DNAH17: variants seen among roughly 807,000 people sequenced by gnomAD.
The protein encoded by DNAH17 is axonemal beta dynein heavy chain 17.
A neutral mutation model predicts 485.6 loss-of-function variants in DNAH17; 376 were observed. The observed-to-expected ratio is 0.77, with a 90% CI of 0.71 to 0.84. The LOEUF (loss-of-function observed/expected upper bound fraction) is 0.84. Ranked by LOEUF, DNAH17 falls within the 40% of genes least tolerant of loss-of-function variation. The probability of loss-of-function intolerance (pLI) is 0.00; values close to 1 mark genes in which losing one functional copy is unlikely to be tolerated. For missense variants in DNAH17, 6,370 were observed against 5,839.3 expected, an observed-to-expected ratio of 1.09 and a Z score of -2.96; for synonymous variants, 3,031 against 2,405.9, an observed-to-expected ratio of 1.26 and a Z score of -7.60.
chr17:78,475,560 C>G, intron 53 of DNAH17, 91 bp from the exon 54 acceptor site: 1 of 1,598,098 alleles, frequency 6.3e-7, no homozygotes. Context: ...GAGGTGTGCA[C>G]TGTGTGCCAC....
At chr17:78,539,548 C>T (rs941629271) in intron 18 of DNAH17, among the ~76,000 whole-genome samples, 189 bp downstream of exon 18, 1 of 152,090 alleles carries the variant, frequency 6.6e-6, no homozygotes, top group African/African-American at 2.4e-5. Context: ...GTCCTGAGTG[C>T]CTGGGACTGA....
intron 43 of DNAH17, 141 bp from the exon 44 acceptor site, chr17:78,490,988 C>T: frequency 9.0e-7 from 1 of 1,109,030 alleles, no homozygotes; most frequent in East Asian, 2.6e-5. Context: ...GGCCCACAGC[C>T]CTAGTCCCTT....
intron 2 of DNAH17, 98 bp downstream of exon 2, chr17:78,574,615 G>T (rs2092407501): frequency 9.2e-7 from 1 of 1,085,702 alleles, no homozygotes; most frequent in African/African-American, 1.6e-5. Context: ...TGCAGCTGCT[G>T]CTGGCCCAGG....
chr17:78,453,073 G>A (rs1568071575), intron 65 of DNAH17, among the ~76,000 whole-genome samples: 1 of 152,200 alleles, frequency 6.6e-6, no homozygotes, highest in African/African-American at 2.4e-5. Flanking sequence ...AGAACAGAAT[G>A]AAGACAGACA....
chr17:78,567,296 G>A, intron 9 of DNAH17, 130 bp from the exon 10 acceptor site: 1 of 872,456 alleles, frequency 1.1e-6, no homozygotes, highest in African/African-American at 1.7e-5. Flanking sequence ...CCAACCATGG[G>A]GGTGGGAGGA....
At chr17:78,560,692 CCCCGCT>C in intron 13 of DNAH17, 42 bp downstream of exon 13, 1 of 1,498,078 alleles carries the variant, frequency 6.7e-7, no homozygotes, top group Non-Finnish European at 9.0e-7. Flanking sequence ...CAGGCCCTCC[CCCCGCT>C]CCCAAGGAGC....
chr17:78,516,856 G>A (rs1379637482), intron 25 of DNAH17, among the ~76,000 whole-genome samples: 1 of 151,968 alleles, frequency 6.6e-6, no homozygotes, highest in Non-Finnish European at 1.5e-5. Flanking sequence ...ATGTAGACTT[G>A]GTATGGTCAG....
intron 80 of DNAH17, chr17:78,425,106 G>A (rs79731115): frequency 4.4e-6 from 2 of 455,008 alleles, no homozygotes; most frequent in African/African-American, 2.0e-5. Context: ...TAAAGCAGAG[G>A]CCAGGTGACT....
rs372448284 is a variant in DNAH17, at chr17:78,461,809, C to T, written c.9175-101G>A. The T allele has an allele frequency of 6.8e-5, 81 of 1,184,502 alleles. 1 individual carries two copies. The highest frequency in any genetic ancestry group is 3.3e-4 in the African/African-American group (21 of 63,966). 73.4% of individuals were successfully genotyped at this position (1,184,502 alleles called of 1,614,324 possible). A position where few individuals can be genotyped will look rare whatever the true frequency, so the allele number is the denominator to read the frequency against. The stretch of plus-strand genomic sequence containing the variant: ...GGCTGGGAGCCACAGAGGGGCAGAA[C>T]GGCAGGGCCGTGTCTTACGACTCCC... On this transcript the variant is annotated intron_variant, in intron 57 of 80. Transcript: ENST00000389840.
At position 78,474,367 on chromosome 17, in the gene DNAH17, C is replaced by T. The variant is rs562068501; in HGVS notation, c.8511+911G>A. Among the ~76,000 whole-genome samples the T allele has an allele frequency of 5.6e-4, 86 of 152,358 alleles. 1 individual carries two copies. The highest frequency in any genetic ancestry group is 3.4e-3 in the Middle Eastern group (1 of 294). On this transcript the variant is annotated intron_variant, in intron 54 of 80. Coordinates refer to ENST00000389840, the MANE Select transcript of DNAH17 (RefSeq NM_173628.4). ...GATGATTCCTTCTGAACTAATGGCA[C>T]GCAGTTGCCTGGGAGAGCAGATTTT...
rs1241543291 is a variant in DNAH17 at position 78,485,637 on chromosome 17, C to T, written c.7396G>A (p.Gly2466Arg). ...NAGTGKSVLMGDKLESLNTDN... is the reference protein window; with the variant it reads ...NAGTGKSVLMRDKLESLNTDN... Reference sequence around the variant, plus strand: ...GTGTTCAGGCTTTCCAGCTTGTCCCCCATCAGCACCGACTTGCCCGTCCCC... The same window carrying T: ...GTGTTCAGGCTTTCCAGCTTGTCCCTCATCAGCACCGACTTGCCCGTCCCC... Residue 2466 changes from glycine (G) to arginine (R), a missense_variant, in exon 47 of 81, where the codon GGG becomes AGG. Gly to Arg is a moderately radical substitution (Grantham distance 125). Coordinates refer to ENST00000389840, the MANE Select transcript of DNAH17 (RefSeq NM_173628.4). 1 of 1,613,968 alleles carries T rather than the reference C, an allele frequency of 6.2e-7. No homozygotes were observed. Among genetic ancestry groups the T allele is most frequent in the South Asian group, 1.1e-5 (1 of 91,076 alleles).
chr17:78,425,644 T>C, intron 79 of DNAH17, 73 bp from the exon 80 acceptor site: 2 of 1,376,754 alleles, frequency 1.5e-6, no homozygotes, highest in Non-Finnish European at 2.0e-6. Flanking sequence ...TTGGCCGTTC[T>C]GAGCAGGGGT....
At chr17:78,470,228 C>T (rs1348132266) in intron 54 of DNAH17, among the ~76,000 whole-genome samples, 2 of 151,186 alleles carry the variant, frequency 1.3e-5, no homozygotes, top group Non-Finnish European at 3.0e-5. Flanking sequence ...CCACCATGCT[C>T]AGCTAATTTT....
intron 17 of DNAH17, 169 bp downstream of exon 17, chr17:78,543,688 G>C: frequency 1.0e-6 from 1 of 979,004 alleles, no homozygotes; most frequent in Non-Finnish European, 1.6e-6. Flanking sequence ...GCCTCCCAGA[G>C]TGCTGGGATT....
intron 52 of DNAH17, 23 bp from the exon 53 acceptor site, chr17:78,475,856 G>A (rs553165301): frequency 7.5e-6 from 12 of 1,605,510 alleles, no homozygotes; most frequent in African/African-American, 2.7e-5. Context: ...AAAAAAAGAC[G>A]ATACTTCCGG....
At position 78,431,407 on chromosome 17, in the gene DNAH17, G is replaced by T. The variant is rs541295565; in HGVS notation, c.12226-2107C>A. 2.6e-5 allele frequency among the ~76,000 whole-genome samples: 4 copies of T among 151,870 alleles called. No homozygotes were observed. The East Asian group carries it at 5.8e-4, about 22-fold the overall frequency. ...AGGAGGGTTGCTTCCCGCAGGGGGT[G>T]GGGGTGAGTGCTGTCTGCATTTCCC... On this transcript the variant is annotated intron_variant, in intron 75 of 80. Coordinates refer to ENST00000389840, the MANE Select transcript of DNAH17 (RefSeq NM_173628.4).
At position 78,423,746 on chromosome 17, in the gene DNAH17, C is replaced by G; in HGVS notation, c.*160G>C. The stretch of plus-strand genomic sequence containing the variant: ...TGCCCCACCTCTTCCACACCAACCT[C>G]CACCCTCTGGTTCCGATGTGCTTGG... On this transcript the variant is annotated 3_prime_UTR_variant, in exon 81 of 81. Transcript: ENST00000389840. 1.1e-6 allele frequency: 1 copy of G among 947,252 alleles called. No individual in the cohort carries two copies. The highest frequency in any genetic ancestry group is 1.6e-6 in the Non-Finnish European group (1 of 632,848). 58.7% of individuals were successfully genotyped at this position (947,252 alleles called of 1,614,324 possible).
intron 44 of DNAH17, 151 bp downstream of exon 44, chr17:78,490,548 A>AC (rs1195752526): frequency 9.6e-7 from 1 of 1,038,646 alleles, no homozygotes; most frequent in Non-Finnish European, 1.4e-6. Flanking sequence ...CAGGTCTCTC[A>AC]CCCCTTCACT....
chr17:78,461,078 C>A lies in DNAH17; in HGVS notation c.9339+466G>T, dbSNP rs78306333. ...GTTCTCAACCTCAGCCACCCCCAAC[C>A]AGCAAGGAGCCCACCCCCAGGCCAG... On this transcript the variant is annotated intron_variant, in intron 58 of 80. Coordinates refer to ENST00000389840, the MANE Select transcript of DNAH17 (RefSeq NM_173628.4). Among the ~76,000 whole-genome samples the A allele has an allele frequency of 5.1e-3, 767 of 151,856 alleles. 3 individuals carry two copies. The highest frequency in any genetic ancestry group is 0.026 in the East Asian group (132 of 5,150).
Sources: allele counts gnomAD v4.1 joint callset (sites outside exome capture counted in the v4.1 genomes callset), GRCh38; gene constraint gnomAD v4.1.1; transcripts MANE v1.5; gene names NCBI Gene and HGNC (gene_info 2026-07-23, HGNC 2026-07-21).